STK32B: variants seen among roughly 807,000 people sequenced by gnomAD.
The protein encoded by STK32B is serine/threonine kinase 32B.
Under a neutral mutation model 52.6 loss-of-function variants are expected in STK32B, and 43 were observed. The ratio of observed to expected loss-of-function variants is 0.82; its 90% CI spans 0.64 to 1.05. STK32B has a LOEUF of 1.05. Ranked by LOEUF, STK32B falls within the 50% of genes least tolerant of loss-of-function variation. The probability of loss-of-function intolerance (pLI) is 0.00; values close to 1 mark genes in which losing one functional copy is unlikely to be tolerated. For missense variants in STK32B, 621 were observed against 534.6 expected, an observed-to-expected ratio of 1.16 and a Z score of -1.59; for synonymous variants, 238 against 204.3, an observed-to-expected ratio of 1.17 and a Z score of -1.41.
At chr4:5,248,095 G>T (rs1357497696) in intron 3 of STK32B, among the ~76,000 whole-genome samples, 1 of 152,166 alleles carries the variant, frequency 6.6e-6, no homozygotes, top group Non-Finnish European at 1.5e-5. Context: ...GTAACATAGT[G>T]GGTGTTTTCA....
chr4:5,065,653 T>G (rs1742393038), intron 1 of STK32B, among the ~76,000 whole-genome samples: 1 of 152,188 alleles, frequency 6.6e-6, no homozygotes. Flanking sequence ...AGCTCCAACA[T>G]CACAAATTTG....
chr4:5,382,921 G>C (rs1017590629), intron 4 of STK32B, among the ~76,000 whole-genome samples: 1 of 152,292 alleles, frequency 6.6e-6, no homozygotes, highest in East Asian at 1.9e-4. Flanking sequence ...GTCCCTTCCA[G>C]TGTCAACAGC....
the STK32B span, among the ~76,000 whole-genome samples, chr4:5,034,853 A>T: frequency 1.6e-4 from 24 of 152,328 alleles, no homozygotes; most frequent in Admixed American, 1.2e-3. Context: ...TGGTCATAGA[A>T]GTCCTGGGGT....
chr4:5,405,735 T>A (rs1295273610), intron 5 of STK32B, among the ~76,000 whole-genome samples: 1 of 152,024 alleles, frequency 6.6e-6, no homozygotes, highest in Non-Finnish European at 1.5e-5. Context: ...GATAACTAAT[T>A]CATTATTATG....
Position 5,399,984 on chromosome 4 carries a change from C to T in STK32B, c.472+1740C>T, listed in dbSNP as rs144907277. ...TGGAAGGCTGGGTTCCAGGCAGCATCCTCAAGGCTCTGTCCTATTAAGAGA... is the reference window on the plus strand; with the variant it reads ...TGGAAGGCTGGGTTCCAGGCAGCATTCTCAAGGCTCTGTCCTATTAAGAGA... On this transcript the variant is annotated intron_variant, in intron 5 of 11. Transcript: ENST00000282908. The surrounding 1 kb of genome is among the most constrained non-coding windows in gnomAD (Gnocchi z 5.4). Among the ~76,000 whole-genome samples the T allele has an allele frequency of 4.4e-4, 67 of 152,322 alleles. 2 individuals are homozygous for T. In the East Asian group the frequency reaches 0.013, roughly 29 times the overall value.
In STK32B at chr4:5,460,527, TG is replaced by T. The variant is rs1279430394; in HGVS notation, c.909+300del. On this transcript the variant is annotated intron_variant, in intron 9 of 11. Coordinates refer to ENST00000282908, the MANE Select transcript of STK32B (RefSeq NM_018401.3). This position sits in a 1 kb window ranked among gnomAD's most constrained non-coding sequence, Gnocchi z 4.8. ...GGGATAGCAGGCTGATCTACCCTTC[TG>T]CCTCCACAGAGCTGACTGCCGAGTA... 6.6e-6 allele frequency among the ~76,000 whole-genome samples: 1 copy of T among 152,192 alleles called. No homozygotes were observed. Among genetic ancestry groups the T allele is most frequent in the Admixed American group, 6.5e-5 (1 of 15,280 alleles).
intron 4 of STK32B, among the ~76,000 whole-genome samples, chr4:5,393,588 C>T (rs539364910): frequency 9.2e-5 from 14 of 152,166 alleles, no homozygotes; most frequent in South Asian, 4.2e-4. Flanking sequence ...TCTTACATGG[C>T]GGGAGCAGGA....
At position 5,058,827 on chromosome 4, in the gene STK32B, T is replaced by G. The variant is rs1742107211; in HGVS notation, c.52+6912T>G. 6.6e-6 allele frequency among the ~76,000 whole-genome samples: 1 copy of G among 152,180 alleles called. No individual in the cohort carries two copies. On this transcript the variant is annotated intron_variant, in intron 1 of 11. Coordinates refer to ENST00000282908, the MANE Select transcript of STK32B (RefSeq NM_018401.3). This position sits in a 1 kb window ranked among gnomAD's most constrained non-coding sequence, Gnocchi z 4.8. ...GTGCAGTGGCGTGGTATCAGCTCACTGCAACCTCTGCCTCCCAGGTTCAAG... is the reference window on the plus strand; with the variant it reads ...GTGCAGTGGCGTGGTATCAGCTCACGGCAACCTCTGCCTCCCAGGTTCAAG...
chr4:5,350,581 G>A (rs1041103093), intron 4 of STK32B, among the ~76,000 whole-genome samples: 4 of 151,876 alleles, frequency 2.6e-5, no homozygotes, highest in Non-Finnish European at 4.4e-5. Context: ...AGGAACAAAG[G>A]ATATACAAAA....
At position 5,396,962 on chromosome 4, in the gene STK32B, G is replaced by A. The variant is rs1312451561; in HGVS notation, c.435-1245G>A. Among the ~76,000 whole-genome samples, 2 of 152,136 alleles carry A rather than the reference G, an allele frequency of 1.3e-5. No homozygotes were observed. Among genetic ancestry groups the A allele is most frequent in the African/African-American group, 2.4e-5 (1 of 41,416 alleles). ...TTCACAGTGGAGGCTTTGTGACCTC[G>A]GCAGCAGGGGCCCACGTACTCAATG... On this transcript the variant is annotated intron_variant, in intron 4 of 11. Transcript: ENST00000282908. This position sits in a 1 kb window ranked among gnomAD's most constrained non-coding sequence, Gnocchi z 4.7.
At chr4:5,177,024 C>G (rs1284811639) in intron 3 of STK32B, among the ~76,000 whole-genome samples, 3 of 152,178 alleles carry the variant, frequency 2.0e-5, no homozygotes, top group Middle Eastern at 6.8e-3. Flanking sequence ...TGAGAATTAA[C>G]TGAAAAGAAG....
chr4:5,383,536 A>G (rs11737425), intron 4 of STK32B, among the ~76,000 whole-genome samples: 38,597 of 152,106 alleles, frequency 0.25, 5,842 homozygotes, highest in African/African-American at 0.43. Context: ...TCTTGCCCAG[A>G]AGCAGAGCAG....
At chr4:5,434,799 A>G (rs969210916) in intron 6 of STK32B, among the ~76,000 whole-genome samples, 1 of 152,218 alleles carries the variant, frequency 6.6e-6, no homozygotes, top group African/African-American at 2.4e-5. Flanking sequence ...CATGAATAGC[A>G]TATGTAAAGA....
chr4:5,088,261 A>G (rs527415018), intron 1 of STK32B, among the ~76,000 whole-genome samples: 9 of 152,222 alleles, frequency 5.9e-5, no homozygotes, highest in African/African-American at 1.9e-4. Context: ...TGGTATGCAT[A>G]TATCATAGAT....
At chr4:5,117,642 A>G (rs1714805059) in intron 1 of STK32B, among the ~76,000 whole-genome samples, 1 of 152,036 alleles carries the variant, frequency 6.6e-6, no homozygotes, top group Non-Finnish European at 1.5e-5. Context: ...TTTGTATTTT[A>G]GGGATATTTA....
intron 3 of STK32B, among the ~76,000 whole-genome samples, chr4:5,289,161 A>G (rs932435391): frequency 1.3e-5 from 2 of 151,222 alleles, no homozygotes; most frequent in African/African-American, 4.9e-5. Context: ...TAGGTTACAG[A>G]TATATGTAGG....
chr4:5,343,991 A>G (rs1284656990), intron 4 of STK32B, among the ~76,000 whole-genome samples: 2 of 152,186 alleles, frequency 1.3e-5, no homozygotes, highest in Non-Finnish European at 2.9e-5. Context: ...ATTCATAGGA[A>G]AATAGAGCAA....
chr4:5,496,428 A>G (rs1720256317), intron 11 of STK32B, among the ~76,000 whole-genome samples: 3 of 152,194 alleles, frequency 2.0e-5, no homozygotes, highest in African/African-American at 4.8e-5. Context: ...GCCCTTCGGA[A>G]AAGCGCAGTA....
chr4:5,286,200 A>G (rs1303883031), intron 3 of STK32B, among the ~76,000 whole-genome samples: 4 of 152,168 alleles, frequency 2.6e-5, no homozygotes, highest in Admixed American at 6.5e-5. Context: ...AAACTAATAC[A>G]CTGTAATCAA....
Sources: allele counts gnomAD v4.1 joint callset (sites outside exome capture counted in the v4.1 genomes callset), GRCh38; gene constraint gnomAD v4.1.1; non-coding constraint Gnocchi (gnomAD v3.1); transcripts MANE v1.5; gene names NCBI Gene and HGNC (gene_info 2026-07-23, HGNC 2026-07-21).